The following SUN1 variants were observed in gnomAD, a reference collection of about 807,000 sequenced individuals.
SUN1 encodes the protein SUN domain-containing protein 1.
In SUN1, 61 loss-of-function variants were observed where a neutral mutation model predicts 103.2. The observed-to-expected ratio is 0.59, with a 90% CI of 0.48 to 0.73. SUN1 has a LOEUF of 0.73. SUN1 is among the 30% of genes least tolerant of loss of function. The pLI is 0.00. For synonymous variants in SUN1, 490 were observed against 425.7 expected, an observed-to-expected ratio of 1.15 and a Z score of -1.86; for missense variants, 1,052 against 1,034.6, an observed-to-expected ratio of 1.02 and a Z score of -0.23.
intron 5 of SUN1, among the ~76,000 whole-genome samples, chr7:845,769 A>G (rs1245143530): frequency 6.6e-6 from 1 of 152,170 alleles, no homozygotes; most frequent in Non-Finnish European, 1.5e-5. Flanking sequence ...CACCCAATCC[A>G]TCTCCTGGGG....
Position 851,493 on chromosome 7 carries a change from T to C in SUN1, c.757+11T>C. On this transcript the variant is annotated intron_variant, in intron 6 of 18. Coordinates refer to ENST00000401592, the MANE Select transcript of SUN1 (RefSeq NM_001130965.3). ...CCGTGGTTGCTCCAGGTGGCTATTT[T>C]GGGTTTCTGTGTTGCGTTCTCTCCA... is the stretch of plus-strand genomic sequence containing the variant. 4 of 1,594,002 alleles carry C rather than the reference T, an allele frequency of 2.5e-6. No individual in the cohort carries two copies. In the South Asian group the frequency reaches 4.6e-5, roughly 18 times the overall value.
upstream of SUN1, among the ~76,000 whole-genome samples, chr7:828,521 C>G (rs1794977960): frequency 6.6e-6 from 1 of 152,212 alleles, no homozygotes; most frequent in Non-Finnish European, 1.5e-5. Flanking sequence ...GTCTGCCTGC[C>G]TCTGCCTCCC....
At chr7:851,918 T>C (rs1419565963) in intron 6 of SUN1, 32 bp from the exon 7 acceptor site, 1 of 1,608,338 alleles carries the variant, frequency 6.2e-7, no homozygotes, top group East Asian at 2.2e-5. Flanking sequence ...CTAAAAACAT[T>C]TCCTTAGAAT....
chr7:851,892 T>C, intron 6 of SUN1, 58 bp from the exon 7 acceptor site: 1 of 1,577,026 alleles, frequency 6.3e-7, no homozygotes, highest in Non-Finnish European at 8.7e-7. Flanking sequence ...ATGGTCCATT[T>C]AGGAGCTTGG....
intron 1 of SUN1, among the ~76,000 whole-genome samples, chr7:835,451 T>C (rs1430136659): frequency 6.6e-6 from 1 of 152,268 alleles, no homozygotes; most frequent in African/African-American, 2.4e-5. Context: ...ATTTAGTCAG[T>C]GTTCCAATAT....
At chr7:849,518 A>G in intron 5 of SUN1, 1 of 1,370,846 alleles carries the variant, frequency 7.3e-7, no homozygotes, top group Non-Finnish European at 9.8e-7. Context: ...CGTGTGTTGC[A>G]GCTCATGCCA....
At chr7:866,626 C>T (rs1408963931) in intron 16 of SUN1, among the ~76,000 whole-genome samples, 1 of 139,672 alleles carries the variant, frequency 7.2e-6, no homozygotes, top group East Asian at 2.2e-4. Flanking sequence ...TCCCCACCAT[C>T]TCCCCGGGCC....
At chr7:843,892 T>C in intron 5 of SUN1, 3 of 1,233,600 alleles carry the variant, frequency 2.4e-6, no homozygotes, top group Non-Finnish European at 3.0e-6. Flanking sequence ...TGCTCTGGTC[T>C]GTCCTGTGAA....
intron 17 of SUN1, among the ~76,000 whole-genome samples, chr7:871,803 T>TA (rs1841903382): frequency 6.6e-6 from 1 of 152,230 alleles, no homozygotes; most frequent in South Asian, 2.1e-4. Flanking sequence ...TCAAAATAGA[T>TA]ATGCAAATAG....
chr7:869,476 C>T lies in SUN1; in HGVS notation c.2108C>T (p.Thr703Ile). The change falls in exon 17 of 19, where the codon ACA (threonine) becomes ATA (isoleucine). Residue 703 changes from threonine to isoleucine, a missense_variant. Transcript: ENST00000401592. ...CACATCCCTAAGACGCTGTCGCCAA[C>T]AGGCAACATCAGCAGCGCCCCCAAG... is the stretch of plus-strand genomic sequence containing the variant. ...LEHIPKTLSP[T>I]GNISSAPKDF... 6.2e-7 allele frequency: 1 copy of T among 1,613,888 alleles called. No homozygotes were observed. The highest frequency in any genetic ancestry group is 8.5e-7 in the Non-Finnish European group (1 of 1,179,850).
chr7:871,726 G>A (rs1841841075), intron 17 of SUN1, among the ~76,000 whole-genome samples: 1 of 152,192 alleles, frequency 6.6e-6, no homozygotes, highest in African/African-American at 2.4e-5. Context: ...AGAGGCAGTA[G>A]TTACATCTAC....
chr7:840,605 T>TATGA (rs1808550443), intron 2 of SUN1, among the ~76,000 whole-genome samples: 1 of 151,862 alleles, frequency 6.6e-6, no homozygotes, highest in South Asian at 2.1e-4. Flanking sequence ...TTGTGGTCAA[T>TATGA]ATGAATGCAG....
intron 17 of SUN1, among the ~76,000 whole-genome samples, chr7:872,172 G>A (rs1430416146): frequency 6.6e-6 from 1 of 152,206 alleles, no homozygotes; most frequent in Non-Finnish European, 1.5e-5. Flanking sequence ...TGTGTGTCCG[G>A]CGGGGTCACT....
chr7:851,645 T>A, intron 6 of SUN1, 163 bp downstream of exon 6: 1 of 714,220 alleles, frequency 1.4e-6, no homozygotes. Context: ...GTTAACTGAC[T>A]GTACTTGCTG....
intron 13 of SUN1, among the ~76,000 whole-genome samples, chr7:858,469 C>T (rs1172411599): frequency 6.6e-6 from 1 of 152,126 alleles, no homozygotes; most frequent in Non-Finnish European, 1.5e-5. Context: ...TTCCCCGTTC[C>T]AGCACCACTG....
chr7:845,755 C>T (rs1222331438), intron 5 of SUN1, among the ~76,000 whole-genome samples: 2 of 152,166 alleles, frequency 1.3e-5, no homozygotes, highest in African/African-American at 4.8e-5. Flanking sequence ...AAGTCCTTTT[C>T]CCCCACCCAA....
At chr7:866,186 T>C (rs1836375329) in intron 16 of SUN1, 119 bp downstream of exon 16, 5 of 843,274 alleles carry the variant, frequency 5.9e-6, no homozygotes, top group Non-Finnish European at 9.5e-6. Context: ...GTGGAACTGG[T>C]ACCACAAGAA....
At chr7:864,175 C>T (rs912986923) in intron 15 of SUN1, among the ~76,000 whole-genome samples, 1 of 151,968 alleles carries the variant, frequency 6.6e-6, no homozygotes, top group Non-Finnish European at 1.5e-5. Context: ...GAAGTAAGTA[C>T]ATCATGAAAA....
rs1269072916 is a variant in SUN1, at chr7:874,542, A to G, written c.*1211A>G. On this transcript the variant is annotated 3_prime_UTR_variant, in exon 19 of 19. Coordinates refer to ENST00000401592, the MANE Select transcript of SUN1 (RefSeq NM_001130965.3). ...ACGATGGTGCTGACTGGTTTTCTGT[A>G]TATTGCACAACAGTCCTCAAATACA... is the stretch of plus-strand genomic sequence containing the variant. 2.0e-5 allele frequency: 3 copies of G among 152,606 alleles called. No individual in the cohort carries two copies. Among genetic ancestry groups the G allele is most frequent in the Non-Finnish European group, 4.4e-5 (3 of 68,036 alleles). The allele number at this position is 152,606 out of a possible 1,614,324, so 9.5% of individuals were successfully genotyped here.
Sources: allele counts gnomAD v4.1 joint callset (sites outside exome capture counted in the v4.1 genomes callset), GRCh38; gene constraint gnomAD v4.1.1; transcripts MANE v1.5; gene names NCBI Gene and HGNC (gene_info 2026-07-23, HGNC 2026-07-21).